FBRSL1: variants seen among roughly 807,000 people sequenced by gnomAD.
The protein encoded by FBRSL1 is fibrosin like 1, also known as fibrosin-1-like protein.
In FBRSL1, 51 loss-of-function variants were observed where a neutral mutation model predicts 89.6. That is an observed-to-expected ratio of 0.57 (90% CI 0.45 to 0.72). The LOEUF is 0.72. Ranked by LOEUF, FBRSL1 falls within the 30% of genes least tolerant of loss-of-function variation. The pLI, the probability that FBRSL1 is intolerant of heterozygous loss-of-function variation, is 0.00. For synonymous variants in FBRSL1, 779 were observed against 681.1 expected (o/e 1.14, Z -2.24); for missense variants, 1,618 against 1,451.8 (o/e 1.11, Z -1.86).
In FBRSL1 at chr12:132,528,943, C is replaced by CTG. The variant is rs563096568; in HGVS notation, c.615+955_615+956insTG. Among the ~76,000 whole-genome samples, 90 of 152,336 alleles carry CTG rather than the reference C, an allele frequency of 5.9e-4. 2 individuals carry two copies. In the South Asian group the frequency reaches 0.018, roughly 31 times the overall value. ...GGGAGGCTGGGCGCCGACCCCTGCC[C>CTG]CCCGGACCTGGAGGCCCAGCACCAT... On this transcript the variant is annotated intron_variant, in intron 4 of 18. Transcript: ENST00000680143.
At chr12:132,536,849 A>C (rs560752651) in intron 4 of FBRSL1, among the ~76,000 whole-genome samples, 4 of 152,178 alleles carry the variant, frequency 2.6e-5, no homozygotes, top group Admixed American at 2.6e-4. Flanking sequence ...GCATGACTGC[A>C]TGTGAGTGCA....
chr12:132,540,926 C>G (rs1462615472), intron 4 of FBRSL1, among the ~76,000 whole-genome samples: 1 of 152,238 alleles, frequency 6.6e-6, no homozygotes, highest in African/African-American at 2.4e-5. Context: ...CCTCTGCTTC[C>G]TCACCTATGA....
chr12:132,548,081 C>G, intron 5 of FBRSL1, 49 bp downstream of exon 5: 1 of 1,546,712 alleles, frequency 6.5e-7, no homozygotes, highest in South Asian at 1.2e-5. Flanking sequence ...CCTGCCCTTC[C>G]CTGCTGACCT....
At chr12:132,581,286 T>C (rs992324247) in intron 15 of FBRSL1, 153 bp from the exon 16 acceptor site, 1 of 985,390 alleles carries the variant, frequency 1.0e-6, no homozygotes. Context: ...CACCTCTTAC[T>C]CTGACTGGAC....
intron 4 of FBRSL1, among the ~76,000 whole-genome samples, chr12:132,534,370 T>C (rs2036541842): frequency 6.6e-6 from 1 of 152,234 alleles, no homozygotes; most frequent in Admixed American, 6.5e-5. Flanking sequence ...GGTATTTGAT[T>C]GCAAACAGGT....
At chr12:132,565,929 G>GTCAA (rs1404139720) in intron 5 of FBRSL1, 2 of 152,220 alleles carry the variant, frequency 1.3e-5, no homozygotes, top group Non-Finnish European at 2.9e-5. Context: ...ACGGTTAGGA[G>GTCAA]TCAGGGTTTC....
intron 5 of FBRSL1, among the ~76,000 whole-genome samples, chr12:132,560,908 CTGGGGCTGCCACCCCATT>C (rs1593497923): frequency 1.3e-5 from 2 of 152,362 alleles, no homozygotes; most frequent in East Asian, 3.9e-4. Flanking sequence ...CTGGTGGCCC[CTGGGGCTGCCACCCCATT>C]TGGGTCATCT....
chr12:132,552,271 G>C (rs1446835898), intron 5 of FBRSL1: 6 of 157,768 alleles, frequency 3.8e-5, no homozygotes, highest in Admixed American at 3.1e-4. Flanking sequence ...GGTCCTCTCT[G>C]AACCTCTGCC....
At chr12:132,533,636 C>A (rs1593376864) in intron 4 of FBRSL1, among the ~76,000 whole-genome samples, 1 of 152,260 alleles carries the variant, frequency 6.6e-6, no homozygotes, top group Non-Finnish European at 1.5e-5. Flanking sequence ...CTGCACCCAC[C>A]CACATCCATG....
intron 15 of FBRSL1, chr12:132,580,664 A>T: frequency 2.0e-6 from 1 of 501,918 alleles, no homozygotes; most frequent in Non-Finnish European, 2.6e-6. Flanking sequence ...CTCAGTGGAG[A>T]CCAGAAGCTC....
At chr12:132,538,943 G>A (rs1031626625) in intron 4 of FBRSL1, among the ~76,000 whole-genome samples, 1 of 152,100 alleles carries the variant, frequency 6.6e-6, no homozygotes, top group African/African-American at 2.4e-5. Flanking sequence ...TGACCGGAGG[G>A]TGAGAGTGGC....
chr12:132,583,611 C>G lies in FBRSL1; in HGVS notation c.2842C>G (p.Pro948Ala). 1.0e-6 allele frequency: 1 copy of G among 991,868 alleles called. No homozygotes were observed. Among genetic ancestry groups the G allele is most frequent in the African/African-American group, 1.8e-5 (1 of 56,830 alleles). The allele number at this position is 991,868 out of a possible 1,614,324, so 61.4% of individuals were successfully genotyped here. A position where few individuals can be genotyped will look rare whatever the true frequency, so the allele number is the denominator to read the frequency against. The change falls in exon 19 of 19, where the codon CCC (proline) becomes GCC (alanine). Residue 948 changes from proline to alanine, a missense_variant. Coordinates refer to ENST00000680143, the MANE Select transcript of FBRSL1 (RefSeq NM_001367871.1). ...CAATGGGCTCCTGGCGCGGACCCCG[C>G]CCGCCGCCGCCGCCCTCGGCGCACC... ...LHNGLLARTP[P>A]AAAALGAPPP...
At chr12:132,548,085 C>G in intron 5 of FBRSL1, 53 bp downstream of exon 5, 1 of 1,544,780 alleles carries the variant, frequency 6.5e-7, no homozygotes, top group Middle Eastern at 1.7e-4. Context: ...CCCTTCCCTG[C>G]TGACCTTGGC....
intron 4 of FBRSL1, among the ~76,000 whole-genome samples, chr12:132,528,248 C>T (rs1052040687): frequency 1.3e-4 from 20 of 151,808 alleles, no homozygotes; most frequent in African/African-American, 4.1e-4. Context: ...CCCAGGGGGA[C>T]GGGCTGGCCC....
chr12:132,529,039 G>A (rs1053342680), intron 4 of FBRSL1, among the ~76,000 whole-genome samples: 1 of 152,304 alleles, frequency 6.6e-6, no homozygotes, highest in South Asian at 2.1e-4. Flanking sequence ...TAAGTATCAG[G>A]AGGAACATTA....
chr12:132,572,672 TGGG>T (rs1035504817), intron 11 of FBRSL1, 50 bp downstream of exon 11: 4 of 1,312,280 alleles, frequency 3.0e-6, no homozygotes, highest in Middle Eastern at 1.9e-4. Flanking sequence ...GGGTGGATTT[TGGG>T]GGGAGTGCAT....
intron 15 of FBRSL1, among the ~76,000 whole-genome samples, chr12:132,580,227 ACAGG>A (rs1467939360): frequency 6.6e-6 from 1 of 152,188 alleles, no homozygotes; most frequent in Non-Finnish European, 1.5e-5. Flanking sequence ...GGCTGGGACT[ACAGG>A]CAGGCGCCAC....
intron 5 of FBRSL1, among the ~76,000 whole-genome samples, chr12:132,559,358 C>T (rs2038923032): frequency 6.6e-6 from 1 of 152,238 alleles, no homozygotes; most frequent in Non-Finnish European, 1.5e-5. Context: ...CTCCTCCTTT[C>T]AGGTCCCAAC....
intron 15 of FBRSL1, 61 bp from the exon 16 acceptor site, chr12:132,581,378 T>C: frequency 1.3e-6 from 2 of 1,550,524 alleles, no homozygotes; most frequent in Non-Finnish European, 1.7e-6. Flanking sequence ...TGAACAGAGC[T>C]GCAGATGGGA....
Sources: gnomAD v4.1 joint callset for allele counts (sites outside exome capture counted in the v4.1 genomes callset) on GRCh38, gnomAD v4.1.1 for gene constraint, MANE v1.5 for transcripts, NCBI Gene and HGNC (gene_info 2026-07-23, HGNC 2026-07-21) for gene names.